The following PDK3 variants were observed in gnomAD, a reference collection of about 807,000 sequenced individuals.
PDK3 encodes pyruvate dehydrogenase kinase 3.
A neutral mutation model predicts 32.0 loss-of-function variants in PDK3; 12 were observed. The ratio of observed to expected loss-of-function variants is 0.37; its 90% CI spans 0.24 to 0.61. The LOEUF (loss-of-function observed/expected upper bound fraction) is 0.61. PDK3 is among the 20% of genes least tolerant of loss of function. The pLI, the probability that PDK3 is intolerant of heterozygous loss-of-function variation, is 0.65. For synonymous variants in PDK3, 122 were observed against 116.3 expected (o/e 1.05, Z -0.31); for missense variants, 188 against 316.9 (o/e 0.59, Z 3.09).
chrX:24,533,825 G>A, intron 10 of PDK3, 104 bp from the exon 11 acceptor site: 1 of 862,207 alleles, frequency 1.2e-6, no homozygotes, highest in Non-Finnish European at 1.6e-6. Context: ...TTGAAAATAT[G>A]TATTAAGGTT....
At chrX:24,512,268 TA>T (rs1922139518) in intron 5 of PDK3, among the ~76,000 whole-genome samples, 1 of 112,211 alleles carries the variant, frequency 8.9e-6, no homozygotes, top group Non-Finnish European at 1.9e-5. Flanking sequence ...TTTGAAAGTA[TA>T]AACTTAAATA....
intron 10 of PDK3, among the ~76,000 whole-genome samples, chrX:24,532,552 A>AAT (rs1922675580): frequency 1.8e-5 from 2 of 111,538 alleles, no homozygotes; most frequent in African/African-American, 6.5e-5. Context: ...TAAACTCTAG[A>AAT]ATATTTGTAA....
Position 24,549,806 on chromosome X carries a change from A to G in PDK3, c.*10642A>G, listed in dbSNP as rs781278453. The G allele has an allele frequency of 2.8e-4, 32 of 112,487 alleles. 1 individual carries two copies. The highest frequency in any genetic ancestry group is 2.8e-3 in the Admixed American group (30 of 10,577). The allele number at this position is 112,487 out of a possible 1,213,427, so 9.3% of individuals were successfully genotyped here. A position where few individuals can be genotyped will look rare whatever the true frequency, so the allele number is the denominator to read the frequency against. On this transcript the variant is annotated 3_prime_UTR_variant, in exon 12 of 12. Coordinates refer to the PDK3 transcript ENST00000568479. ...TCTAAGTTCACATCCTCTCAAAAGC[A>G]TGCAAGTGCTTGAAATTTAAATATT... is the stretch of plus-strand genomic sequence containing the variant.
intron 10 of PDK3, among the ~76,000 whole-genome samples, chrX:24,532,748 T>A (rs184048881): frequency 2.2e-3 from 248 of 111,598 alleles, no homozygotes; most frequent in Middle Eastern, 0.014. Context: ...AAAAATAGAA[T>A]TTTTCCCACA....
chrX:24,529,021 C>A (rs1040079621), intron 9 of PDK3, among the ~76,000 whole-genome samples: 1 of 112,353 alleles, frequency 8.9e-6, no homozygotes, highest in Non-Finnish European at 1.9e-5. Flanking sequence ...CACTTTGCAT[C>A]ATTTATTTGA....
At chrX:24,477,206 C>T (rs905577294) in intron 1 of PDK3, among the ~76,000 whole-genome samples, 1 of 111,887 alleles carries the variant, frequency 8.9e-6, no homozygotes, top group Non-Finnish European at 1.9e-5. Context: ...TCAGTTTCTC[C>T]GTAGCCCTGC....
At chrX:24,528,703 CAT>C (rs1441321318) in intron 9 of PDK3, among the ~76,000 whole-genome samples, 4 of 112,343 alleles carry the variant, frequency 3.6e-5, no homozygotes, top group African/African-American at 1.3e-4. Flanking sequence ...TAGCATGAAA[CAT>C]ATAGGTGGTG....
intron 2 of PDK3, among the ~76,000 whole-genome samples, chrX:24,497,577 C>T (rs1238296864): frequency 3.5e-5 from 4 of 113,132 alleles, no homozygotes; most frequent in South Asian, 3.6e-4. Context: ...TGAGCTAACA[C>T]GCCCAGCCCC....
At position 24,503,517 on chromosome X, in the gene PDK3, T is replaced by C; in HGVS notation, c.505+6T>C. ...CATGCTTATTAATCAGCACAGTAAG[T>C]TGGAGTTTGTTGGTCCAGTTTTGAA... On this transcript the variant is annotated splice_donor_region_variant and intron_variant, in intron 4 of 10. Transcript: ENST00000379162. 1 of 1,125,827 alleles carries C rather than the reference T, an allele frequency of 8.9e-7. No homozygotes were observed. Among genetic ancestry groups the C allele is most frequent in the Non-Finnish European group, 1.2e-6 (1 of 843,859 alleles). The allele number at this position is 1,125,827 out of a possible 1,213,427, so 92.8% of individuals were successfully genotyped here.
chrX:24,542,133 G>C (rs1255718283), exon 12 of PDK3, among the ~76,000 whole-genome samples: 2 of 111,816 alleles, frequency 1.8e-5, no homozygotes, highest in African/African-American at 6.5e-5. Flanking sequence ...TGAAAGTGCT[G>C]AATTTCCTTT....
At chrX:24,477,088 G>A (rs749302536) in intron 1 of PDK3, among the ~76,000 whole-genome samples, 5 of 111,750 alleles carry the variant, frequency 4.5e-5, no homozygotes, top group Non-Finnish European at 7.5e-5. Flanking sequence ...CCAGGTAATC[G>A]GGTGGTTTAC....
downstream of PDK3, among the ~76,000 whole-genome samples, chrX:24,535,621 C>T (rs1488993523): frequency 1.8e-5 from 2 of 110,964 alleles, no homozygotes; most frequent in South Asian, 7.5e-4. Flanking sequence ...GCTATAGCTT[C>T]GTGTATATTC....
intron 1 of PDK3, among the ~76,000 whole-genome samples, chrX:24,473,238 G>A (rs1921019169): frequency 9.5e-6 from 1 of 104,940 alleles, no homozygotes; most frequent in African/African-American, 3.5e-5. Context: ...GCCAGGCATG[G>A]TGGTGGGCGC....
rs983141482 is a variant in PDK3 at position 24,494,994 on chromosome X, T to G, written c.248+111T>G. 1.3e-4 allele frequency: 76 copies of G among 602,988 alleles called. 1 individual carries two copies. In the African/African-American group the frequency reaches 1.7e-3, roughly 14 times the overall value. The allele number at this position is 602,988 out of a possible 1,213,427, so 49.7% of individuals were successfully genotyped here. The stretch of plus-strand genomic sequence containing the variant: ...TACTGCCCGTCTAGGTAGGAATGAG[T>G]CATTTGGGATAGCTGGGTTTTCCAT... On this transcript the variant is annotated intron_variant, in intron 2 of 10. Coordinates refer to ENST00000379162, the MANE Select transcript of PDK3 (RefSeq NM_005391.5).
At position 24,511,861 on chromosome X, in the gene PDK3, A is replaced by C. The variant is rs781648877; in HGVS notation, c.595+6563A>C. 3.6e-5 allele frequency among the ~76,000 whole-genome samples: 4 copies of C among 110,057 alleles called. No individual in the cohort carries two copies. In the South Asian group the frequency reaches 1.6e-3, roughly 43 times the overall value. ...GAAGCTCCATCTCAAAAAAAAAAAA[A>C]AAACCACACAAACAACAACAACAAA... On this transcript the variant is annotated intron_variant, in intron 5 of 10. Transcript: ENST00000379162.
At chrX:24,503,020 G>A (rs968237522) in intron 3 of PDK3, among the ~76,000 whole-genome samples, 1 of 98,797 alleles carries the variant, frequency 1.0e-5, no homozygotes, top group African/African-American at 4.0e-5. Context: ...TAGAACCTGT[G>A]TTATATGCAA....
intron 5 of PDK3, among the ~76,000 whole-genome samples, chrX:24,509,872 T>G (rs1270756831): frequency 8.9e-6 from 1 of 112,037 alleles, no homozygotes; most frequent in Non-Finnish European, 1.9e-5. Flanking sequence ...AAGGGTCACT[T>G]ATTTGTACCC....
At chrX:24,527,874 A>G (rs771157082) in intron 8 of PDK3, among the ~76,000 whole-genome samples, 199 bp downstream of exon 8, 82 of 111,926 alleles carry the variant, frequency 7.3e-4, no homozygotes, top group African/African-American at 2.6e-3. Context: ...AGACCTCAAC[A>G]CCAAGCCTGT....
At chrX:24,537,515 A>G, downstream of PDK3, among the ~76,000 whole-genome samples, 1 of 109,687 alleles carries the variant, frequency 9.1e-6, no homozygotes, top group Non-Finnish European at 1.9e-5. Context: ...CTTTTCCTTG[A>G]CAGACAGAGC....
Sources: gnomAD v4.1 joint callset for allele counts (sites outside exome capture counted in the v4.1 genomes callset) on GRCh38, gnomAD v4.1.1 for gene constraint, MANE v1.5 for transcripts, NCBI Gene and HGNC (gene_info 2026-07-23, HGNC 2026-07-21) for gene names.